Variants in GULP1 observed in about 807,000 individuals in gnomAD.
GULP1 encodes GULP PTB domain containing engulfment adaptor 1.
In GULP1, 19 loss-of-function variants were observed where a neutral mutation model predicts 40.9. The ratio of observed to expected loss-of-function variants is 0.46; its 90% CI spans 0.32 to 0.68. The LOEUF (loss-of-function observed/expected upper bound fraction) is 0.68. Among genes scored for constraint, GULP1 ranks in the 30% least tolerant of loss-of-function variants. The pLI is 0.03. For synonymous variants in GULP1, 119 were observed against 117.6 expected (o/e 1.01, Z -0.08); for missense variants, 312 against 362.2 (o/e 0.86, Z 1.12).
At chr2:188,310,879 A>G (rs2037973303) in intron 1 of GULP1, among the ~76,000 whole-genome samples, 1 of 152,230 alleles carries the variant, frequency 6.6e-6, no homozygotes, top group Non-Finnish European at 1.5e-5. Flanking sequence ...AGATCATTTT[A>G]GAAGAGATAG....
chr2:188,367,993 T>C (rs1406879850), intron 1 of GULP1, among the ~76,000 whole-genome samples: 2 of 152,152 alleles, frequency 1.3e-5, no homozygotes, highest in African/African-American at 4.8e-5. Flanking sequence ...TTCATCTCTT[T>C]CTTTTGTGTC....
At chr2:188,589,528 T>A (rs1182722202) in intron 11 of GULP1, 1 of 360,732 alleles carries the variant, frequency 2.8e-6, no homozygotes, top group African/African-American at 2.1e-5. Flanking sequence ...CTAAAAATTT[T>A]TTAGATTTTC....
chr2:188,468,388 TA>T (rs1243449503), intron 2 of GULP1, among the ~76,000 whole-genome samples: 1 of 152,192 alleles, frequency 6.6e-6, no homozygotes, highest in African/African-American at 2.4e-5. Context: ...AAAATTGACA[TA>T]CACTTTAAAT....
intron 2 of GULP1, among the ~76,000 whole-genome samples, chr2:188,473,769 C>A (rs987890986): frequency 6.6e-6 from 1 of 151,782 alleles, no homozygotes; most frequent in Admixed American, 6.6e-5. Flanking sequence ...TTCTCTACCC[C>A]ACTGTGGCTG....
chr2:188,563,433 T>C (rs1696821575), intron 7 of GULP1, among the ~76,000 whole-genome samples: 1 of 150,836 alleles, frequency 6.6e-6, no homozygotes, highest in South Asian at 2.1e-4. Context: ...AAACTCAATT[T>C]ACCAAATTGA....
chr2:188,472,128 C>T (rs2060638547), intron 2 of GULP1, among the ~76,000 whole-genome samples: 1 of 152,096 alleles, frequency 6.6e-6, no homozygotes, highest in South Asian at 2.1e-4. Context: ...ACTGGAAATT[C>T]TGCTGCCAGA....
chr2:188,512,680 T>C (rs932800309), intron 4 of GULP1, among the ~76,000 whole-genome samples: 17 of 152,264 alleles, frequency 1.1e-4, no homozygotes, highest in African/African-American at 4.1e-4. Flanking sequence ...AAGCAAGTTA[T>C]AAAACAACTA....
At chr2:188,305,475 T>TA (rs2036894296) in intron 1 of GULP1, among the ~76,000 whole-genome samples, 1 of 152,028 alleles carries the variant, frequency 6.6e-6, no homozygotes, top group African/African-American at 2.4e-5. Flanking sequence ...TCCTTTAGGG[T>TA]ATGGGGGAGG....
rs2034058127 is a variant in GULP1, at chr2:188,292,784, G to T, written c.-172+618G>T. The T allele has an allele frequency of 6.6e-6, 1 of 152,494 alleles. No individual in the cohort carries two copies. Among genetic ancestry groups the T allele is most frequent in the Non-Finnish European group, 1.5e-5 (1 of 68,398 alleles). The allele number at this position is 152,494 out of a possible 1,614,324, so 9.4% of individuals were successfully genotyped here. On this transcript the variant is annotated intron_variant, in intron 1 of 11. Transcript: ENST00000409830. The surrounding 1 kb of genome is among the most constrained non-coding windows in gnomAD (Gnocchi z 4.0). ...GCTGGGAGGGCCCAAAGGAAGGGGC[G>T]GCGTCCACATGGTTACCCTTCTGCT...
chr2:188,336,093 A>C (rs2042216671), intron 1 of GULP1, among the ~76,000 whole-genome samples: 1 of 152,152 alleles, frequency 6.6e-6, no homozygotes, highest in South Asian at 2.1e-4. Context: ...TCTCTGAAAA[A>C]TCCTAAGCAG....
chr2:188,546,615 G>A (rs1220698112), intron 7 of GULP1, among the ~76,000 whole-genome samples: 1 of 151,944 alleles, frequency 6.6e-6, no homozygotes, highest in African/African-American at 2.4e-5. Context: ...AAAGAGGAAA[G>A]TCTCAAATGA....
intron 4 of GULP1, among the ~76,000 whole-genome samples, chr2:188,508,903 C>T (rs1405191024): frequency 6.6e-6 from 1 of 151,652 alleles, no homozygotes; most frequent in African/African-American, 2.4e-5. Context: ...TTTCCCACAG[C>T]CCACTTGTAA....
At chr2:188,387,374 T>C (rs1305501612) in intron 2 of GULP1, among the ~76,000 whole-genome samples, 2 of 152,188 alleles carry the variant, frequency 1.3e-5, no homozygotes, top group African/African-American at 2.4e-5. Flanking sequence ...TCAAGCACTG[T>C]GATTAGCAAT....
intron 7 of GULP1, chr2:188,542,051 G>A (rs1016942894): frequency 6.6e-6 from 1 of 151,922 alleles, no homozygotes; most frequent in Non-Finnish European, 1.5e-5. Flanking sequence ...AGGTTGCAGT[G>A]AGCCAAGATC....
chr2:188,435,511 T>A (rs894490383), intron 2 of GULP1, among the ~76,000 whole-genome samples: 1 of 152,098 alleles, frequency 6.6e-6, no homozygotes, highest in African/African-American at 2.4e-5. Flanking sequence ...CTATGTCTTA[T>A]AACAAATTCT....
intron 4 of GULP1, among the ~76,000 whole-genome samples, chr2:188,483,781 CCA>C (rs2061623220): frequency 6.6e-6 from 1 of 152,032 alleles, no homozygotes; most frequent in Non-Finnish European, 1.5e-5. Context: ...GAAACTCAAA[CCA>C]CTAACAAATT....
At chr2:188,362,483 TAAACA>T (rs1420027669) in intron 1 of GULP1, among the ~76,000 whole-genome samples, 9 of 152,134 alleles carry the variant, frequency 5.9e-5, no homozygotes, top group Non-Finnish European at 1.2e-4. Flanking sequence ...CACATGTTTA[TAAACA>T]AAACAAAACA....
intron 2 of GULP1, among the ~76,000 whole-genome samples, chr2:188,407,073 T>C (rs1559204560): frequency 6.6e-6 from 1 of 152,132 alleles, no homozygotes; most frequent in East Asian, 1.9e-4. Flanking sequence ...AGCAGGGGCA[T>C]TCCAGGCCAG....
At chr2:188,522,902 G>A (rs1482475658) in intron 5 of GULP1, 75 bp downstream of exon 5, 19 of 904,032 alleles carry the variant, frequency 2.1e-5, no homozygotes, top group Non-Finnish European at 3.3e-5. Context: ...GGAGATCAAA[G>A]CATGAACAGC....
Sources: gnomAD v4.1 joint callset for allele counts (sites outside exome capture counted in the v4.1 genomes callset) on GRCh38, gnomAD v4.1.1 for gene constraint, Gnocchi (gnomAD v3.1) non-coding constraint, MANE v1.5 for transcripts, NCBI Gene and HGNC (gene_info 2026-07-23, HGNC 2026-07-21) for gene names.